Variants in SFMBT1 observed in about 807,000 individuals in gnomAD.
SFMBT1 encodes the protein Scm like with four mbt domains 1.
A neutral mutation model predicts 108.7 loss-of-function variants in SFMBT1; 32 were observed. The observed-to-expected ratio is 0.29, with a 90% CI of 0.22 to 0.40. SFMBT1 has a LOEUF of 0.40. Among genes scored for constraint, SFMBT1 ranks in the 10% least tolerant of loss-of-function variants. SFMBT1 has a pLI of 1.00. For missense variants in SFMBT1, 816 were observed against 1,059.6 expected (o/e 0.77, Z 3.19); for synonymous variants, 348 against 369.5 (o/e 0.94, Z 0.67).
At chr3:52,954,207 A>C in intron 3 of SFMBT1, 110 bp downstream of exon 3, 1 of 818,592 alleles carries the variant, frequency 1.2e-6, no homozygotes, top group Non-Finnish European at 2.0e-6. Flanking sequence ...AAAGCTCTTA[A>C]ATTACTTCAA....
intron 1 of SFMBT1, among the ~76,000 whole-genome samples, chr3:53,031,196 T>C (rs73839660): frequency 0.014 from 2,074 of 152,314 alleles, 55 homozygotes; most frequent in African/African-American, 0.048. Context: ...GTGGCTCCAC[T>C]GGCTTGGATT....
intron 2 of SFMBT1, among the ~76,000 whole-genome samples, chr3:52,964,731 C>T (rs1249885971): frequency 1.3e-5 from 2 of 152,104 alleles, no homozygotes; most frequent in African/African-American, 2.4e-5. Flanking sequence ...GGGAATCTTA[C>T]TGGTCCAGAA....
intron 1 of SFMBT1, among the ~76,000 whole-genome samples, chr3:53,023,257 C>G (rs1337347562): frequency 1.3e-5 from 2 of 152,150 alleles, no homozygotes; most frequent in Non-Finnish European, 2.9e-5. Context: ...TTACTGAACT[C>G]AAGGAAATGA....
intron 8 of SFMBT1, 118 bp downstream of exon 8, chr3:52,930,211 C>A: frequency 1.5e-6 from 1 of 660,062 alleles, no homozygotes; most frequent in Admixed American, 2.6e-5. Context: ...ATTCTAGCTG[C>A]ACGGCCTAGA....
Position 52,928,333 on chromosome 3 carries a change from A to ATCAAAAACCTATACATGCAATTAATAG in SFMBT1, c.898-19_905dup (p.Asp302_Glu303insTyrTer). 1 of 1,613,690 alleles carries ATCAAAAACCTATACATGCAATTAATAG rather than the reference A, an allele frequency of 6.2e-7. No homozygotes were observed. Among genetic ancestry groups the ATCAAAAACCTATACATGCAATTAATAG allele is most frequent in the Non-Finnish European group, 8.5e-7 (1 of 1,179,990 alleles). Reference sequence around the variant, plus strand: ...CCATTTCCACCAGAAAGTACTTCTCATCAAAAACCTATACATGCAATTAAT... The same window carrying ATCAAAAACCTATACATGCAATTAATAG: ...CCATTTCCACCAGAAAGTACTTCTCATCAAAAACCTATACATGCAATTAATAGTCAAAAACCTATACATGCAATTAAT... On this transcript the variant is annotated stop_gained and inframe_insertion, in exon 9 of 21. Coordinates refer to ENST00000394752, the MANE Select transcript of SFMBT1 (RefSeq NM_016329.4). LOFTEE classifies it high-confidence loss of function.
At chr3:52,942,392 TAAC>T (rs1007267113) in intron 4 of SFMBT1, among the ~76,000 whole-genome samples, 1 of 152,252 alleles carries the variant, frequency 6.6e-6, no homozygotes, top group African/African-American at 2.4e-5. Context: ...ATGTCACCAT[TAAC>T]AACATTTGGA....
At chr3:53,017,487 G>T (rs1352206115) in intron 1 of SFMBT1, among the ~76,000 whole-genome samples, 1 of 152,134 alleles carries the variant, frequency 6.6e-6, no homozygotes, top group South Asian at 2.1e-4. Context: ...CCCTCTTGGG[G>T]GTTTATAGGC....
chr3:52,967,807 A>G (rs1172175070), intron 2 of SFMBT1, among the ~76,000 whole-genome samples: 2 of 152,192 alleles, frequency 1.3e-5, no homozygotes, highest in Non-Finnish European at 2.9e-5. Flanking sequence ...GGCTTAAACA[A>G]AAGTAATGAC....
chr3:52,965,427 CA>C (rs35581240), intron 2 of SFMBT1, among the ~76,000 whole-genome samples: 617 of 133,214 alleles, frequency 4.6e-3, no homozygotes, highest in Admixed American at 4.5e-3. Flanking sequence ...AAACTAAAGG[CA>C]AAAAAAAAAA....
At chr3:52,979,937 A>G (rs1386028349) in intron 1 of SFMBT1, among the ~76,000 whole-genome samples, 1 of 152,238 alleles carries the variant, frequency 6.6e-6, no homozygotes, top group African/African-American at 2.4e-5. Context: ...GGGTCCACTT[A>G]CAGATTTTTA....
intron 1 of SFMBT1, among the ~76,000 whole-genome samples, chr3:53,043,464 CTTAACT>C (rs1170337839): frequency 6.6e-6 from 1 of 152,200 alleles, no homozygotes; most frequent in East Asian, 1.9e-4. Flanking sequence ...TCTTAATTCA[CTTAACT>C]TTAAGAAACC....
intron 1 of SFMBT1, among the ~76,000 whole-genome samples, chr3:52,979,729 T>C (rs1704642166): frequency 6.6e-6 from 1 of 152,234 alleles, no homozygotes; most frequent in East Asian, 1.9e-4. Context: ...CATGAATCAA[T>C]AGTAGTGATA....
At chr3:52,972,490 TATGAAA>T (rs1704378252) in intron 1 of SFMBT1, among the ~76,000 whole-genome samples, 2 of 152,198 alleles carry the variant, frequency 1.3e-5, no homozygotes, top group African/African-American at 4.8e-5. Context: ...GCGCTTAGTA[TATGAAA>T]ATTTAATTCA....
intron 1 of SFMBT1, among the ~76,000 whole-genome samples, chr3:52,978,040 A>G (rs1704577821): frequency 6.6e-6 from 1 of 152,316 alleles, no homozygotes; most frequent in East Asian, 1.9e-4. Context: ...AGTGAAGAAA[A>G]CAGACCAAAA....
intron 1 of SFMBT1, among the ~76,000 whole-genome samples, chr3:52,995,562 G>T (rs1396960287): frequency 6.7e-6 from 1 of 149,712 alleles, no homozygotes; most frequent in Non-Finnish European, 1.5e-5. Flanking sequence ...TGCTAACTTT[G>T]TTTATGTTTT....
At position 52,943,475 on chromosome 3, in the gene SFMBT1, AG is replaced by A. The variant is rs1334397533; in HGVS notation, c.241del (p.Leu81PhefsTer58). 1 of 1,614,062 alleles carries A rather than the reference AG, an allele frequency of 6.2e-7. No homozygotes were observed. The highest frequency in any genetic ancestry group is 1.1e-5 in the South Asian group (1 of 91,078). ...CTCCCCATAGCCATCATAGCGGAGA[AG>A]GAGCAACTGCTCACAGGTAGTGATA... ...TVITTCEQLL[L>X]LRYDGYGEDR... On this transcript the variant is annotated frameshift_variant, in exon 4 of 21. Transcript: ENST00000394752. LOFTEE classifies it high-confidence loss of function.
At chr3:53,045,740 TCCCCCG>T (rs1431319588) in intron 1 of SFMBT1, 70 bp downstream of exon 1, 1 of 142,642 alleles carries the variant, frequency 7.0e-6, no homozygotes, top group Non-Finnish European at 1.5e-5. Flanking sequence ...CGCCGTACGG[TCCCCCG>T]CCCCGGCGCC....
At chr3:52,945,139 A>AAAAAAAAAAAAAAC (rs1282894305) in intron 3 of SFMBT1, among the ~76,000 whole-genome samples, 4 of 146,062 alleles carry the variant, frequency 2.7e-5, no homozygotes, top group African/African-American at 1.0e-4. Flanking sequence ...TTCCAATTAA[A>AAAAAAAAAAAAAAC]AAAAAAAAAA....
At chr3:53,041,698 CAAAAAAAAAAAAAA>C (rs59502728) in intron 1 of SFMBT1, among the ~76,000 whole-genome samples, 62 of 44,140 alleles carry the variant, frequency 1.4e-3, no homozygotes, top group Middle Eastern at 0.025. Context: ...AAGTCTGTCT[CAAAAAAAAAAAAAA>C]AAAAAAAAAA....
Sources: gnomAD v4.1 joint callset for allele counts (sites outside exome capture counted in the v4.1 genomes callset) on GRCh38, gnomAD v4.1.1 for gene constraint, MANE v1.5 for transcripts, NCBI Gene and HGNC (gene_info 2026-07-23, HGNC 2026-07-21) for gene names.